Variants in CLDN12 observed in about 807,000 individuals in gnomAD.
CLDN12 encodes claudin 12, also known as claudin-12.
A neutral mutation model predicts 15.5 loss-of-function variants in CLDN12; 9 were observed. That is an observed-to-expected ratio of 0.58 (90% CI 0.35 to 1.02). The LOEUF (loss-of-function observed/expected upper bound fraction) is 1.02, where lower values mean the gene tolerates loss of function less well. CLDN12 is among the 50% of genes least tolerant of loss of function. CLDN12 has a pLI of 0.02. For missense variants in CLDN12, 233 were observed against 297.3 expected (o/e 0.78, Z 1.59); for synonymous variants, 140 against 121.6 (o/e 1.15, Z -1.00).
intron 2 of CLDN12, among the ~76,000 whole-genome samples, chr7:90,409,464 T>C (rs1280196112): frequency 6.6e-6 from 1 of 152,070 alleles, no homozygotes; most frequent in African/African-American, 2.4e-5. Context: ...TCAAGTGATC[T>C]ACCAGCCTTG....
At chr7:90,412,398 T>A (rs17862174) in intron 3 of CLDN12, 26,436 of 385,710 alleles carry the variant, frequency 0.069, 1,041 homozygotes, top group South Asian at 0.15. Context: ...AAAATACCGA[T>A]GGCTAAAGAT....
At chr7:90,407,340 T>C (rs184116277) in intron 2 of CLDN12, among the ~76,000 whole-genome samples, 19 of 152,156 alleles carry the variant, frequency 1.2e-4, no homozygotes, top group Admixed American at 5.9e-4. Context: ...GGTAAGAAAA[T>C]GAATGTTGTT....
At position 90,413,804 on chromosome 7, in the gene CLDN12, A is replaced by G. The variant is rs761220112; in HGVS notation, c.*393A>G. 33 of 1,004,380 alleles carry G rather than the reference A, an allele frequency of 3.3e-5. No individual in the cohort carries two copies. Among genetic ancestry groups the G allele is most frequent in the Non-Finnish European group, 3.8e-5 (32 of 832,428 alleles). The allele number at this position is 1,004,380 out of a possible 1,614,324, so 62.2% of individuals were successfully genotyped here. ...TTTTCTATAATACCTTTAACTGCAA[A>G]GAAAAGGCAGTTTCAAATATAAGAA... is the stretch of plus-strand genomic sequence containing the variant. On this transcript the variant is annotated 3_prime_UTR_variant, in exon 4 of 4. Coordinates refer to ENST00000496677, the MANE Select transcript of CLDN12 (RefSeq NM_001185072.3).
In CLDN12 at chr7:90,415,747, T is replaced by A. The variant is rs1215674137; in HGVS notation, c.*2336T>A. The A allele has an allele frequency of 6.0e-6, 1 of 167,104 alleles. No homozygotes were observed. Among genetic ancestry groups the A allele is most frequent in the Non-Finnish European group, 1.5e-5 (1 of 68,126 alleles). 10.4% of individuals were successfully genotyped at this position (167,104 alleles called of 1,614,324 possible). A position where few individuals can be genotyped will look rare whatever the true frequency, so the allele number is the denominator to read the frequency against. ...TAAAAGCCTATTATTGTTAAAGGCCTTTTATGGAAACCAACTTGGAAAACA... is the reference window on the plus strand; with the variant it reads ...TAAAAGCCTATTATTGTTAAAGGCCATTTATGGAAACCAACTTGGAAAACA... On this transcript the variant is annotated 3_prime_UTR_variant, in exon 4 of 4. Coordinates refer to ENST00000496677, the MANE Select transcript of CLDN12 (RefSeq NM_001185072.3).
At position 90,413,258 on chromosome 7, in the gene CLDN12, T is replaced by G; in HGVS notation, c.582T>G (p.Ile194Met). Residue 194 changes from isoleucine (I) to methionine (M), a missense_variant, in exon 4 of 4, where the codon ATT (isoleucine) becomes ATG (methionine). By Grantham distance (10) the Ile-to-Met change is conservative (BLOSUM62 1). Coordinates refer to ENST00000496677, the MANE Select transcript of CLDN12 (RefSeq NM_001185072.3). ...TTATGACTTCCCTTATACTATTTAT[T>G]TGGTATTGTACATGCAAATCTTTGC... The part of the protein sequence containing the change: ...GLFMTSLILF[I>M]WYCTCKSLPS... 1 of 1,614,222 alleles carries G rather than the reference T, an allele frequency of 6.2e-7. No individual in the cohort carries two copies. Among genetic ancestry groups the G allele is most frequent in the Non-Finnish European group, 8.5e-7 (1 of 1,180,028 alleles).
rs747407397 is a variant in CLDN12, at chr7:90,414,820, G to C, written c.*1409G>C. ...ATGATGATGTATTAAGGATGGAGGA[G>C]TTATTAAAAATGTCTCTTCTGATGA... On this transcript the variant is annotated 3_prime_UTR_variant, in exon 4 of 4. Coordinates refer to ENST00000496677, the MANE Select transcript of CLDN12 (RefSeq NM_001185072.3). The C allele has an allele frequency of 1.8e-5, 3 of 167,040 alleles. No homozygotes were observed. The highest frequency in any genetic ancestry group is 4.4e-5 in the Non-Finnish European group (3 of 68,116). 10.3% of individuals were successfully genotyped at this position (167,040 alleles called of 1,614,324 possible).
Position 90,413,780 on chromosome 7 carries a change from T to G in CLDN12, c.*369T>G. Reference sequence around the variant, plus strand: ...GAAAATTTCAGTGTGTATTTTTCTTTTTCTATAATACCTTTAACTGCAAAG... The same window carrying G: ...GAAAATTTCAGTGTGTATTTTTCTTGTTCTATAATACCTTTAACTGCAAAG... On this transcript the variant is annotated 3_prime_UTR_variant, in exon 4 of 4. Transcript: ENST00000496677. The G allele has an allele frequency of 5.9e-6, 6 of 1,017,874 alleles. No individual in the cohort carries two copies. Among genetic ancestry groups the G allele is most frequent in the Non-Finnish European group, 7.1e-6 (6 of 841,986 alleles). The allele number at this position is 1,017,874 out of a possible 1,614,324, so 63.1% of individuals were successfully genotyped here.
In CLDN12 at chr7:90,412,730, C is replaced by T. The variant is rs374340236; in HGVS notation, c.54C>T (p.Ile18=). 1.7e-5 allele frequency: 27 copies of T among 1,614,016 alleles called. No individual in the cohort carries two copies. The highest frequency in any genetic ancestry group is 1.1e-4 in the African/African-American group (8 of 74,914). ...CAGTCCTTTCCTTCCTGTGTGGAAT[C>T]GCCTCAGTAGCAGGCCTCTTTGCAG... The part of the protein sequence containing the change: ...AATVLSFLCG[I]ASVAGLFAGT... The change falls in exon 4 of 4, where the codon ATC becomes ATT. Residue 18 remains isoleucine (I), a synonymous_variant. Transcript: ENST00000496677.
intron 2 of CLDN12, among the ~76,000 whole-genome samples, chr7:90,408,316 A>G (rs1248117343): frequency 6.6e-6 from 1 of 152,186 alleles, no homozygotes; most frequent in Non-Finnish European, 1.5e-5. Flanking sequence ...CAGCCTGGGC[A>G]ACACAGCAAG....
rs768932001 is a variant in CLDN12 at position 90,413,255 on chromosome 7, T to G, written c.579T>G (p.Phe193Leu). 7 of 1,614,136 alleles carry G rather than the reference T, an allele frequency of 4.3e-6. No homozygotes were observed. The highest frequency in any genetic ancestry group is 4.0e-5 in the African/African-American group (3 of 74,952). ...TGTTTATGACTTCCCTTATACTATT[T>G]ATTTGGTATTGTACATGCAAATCTT... ...GGLFMTSLIL[F>L]IWYCTCKSLP... Residue 193 changes from phenylalanine to leucine, a missense_variant, in exon 4 of 4, where the codon TTT (phenylalanine) becomes TTG (leucine). Coordinates refer to ENST00000496677, the MANE Select transcript of CLDN12 (RefSeq NM_001185072.3).
chr7:90,405,980 A>G (rs1796828398), intron 2 of CLDN12: 1 of 152,254 alleles, frequency 6.6e-6, no homozygotes, highest in African/African-American at 2.4e-5. Context: ...GTACATGCCT[A>G]TAGTCCCAGC....
chr7:90,410,345 CAG>C (rs1221473474), intron 2 of CLDN12, among the ~76,000 whole-genome samples: 2 of 151,792 alleles, frequency 1.3e-5, no homozygotes, highest in Admixed American at 1.3e-4. Context: ...ATAATACTGA[CAG>C]AAGGTAACAT....
intron 2 of CLDN12, among the ~76,000 whole-genome samples, chr7:90,410,098 G>A (rs1032982952): frequency 1.3e-5 from 2 of 151,854 alleles, no homozygotes; most frequent in Non-Finnish European, 2.9e-5. Context: ...CAAGTTGTAT[G>A]GGGGAGATAG....
At chr7:90,410,552 A>G (rs192835142) in intron 2 of CLDN12, among the ~76,000 whole-genome samples, 83 of 152,322 alleles carry the variant, frequency 5.4e-4, no homozygotes, top group African/African-American at 1.8e-3. Context: ...GGCTGGGCGC[A>G]GTTGCTCATG....
rs917492584 is a variant in CLDN12, at chr7:90,415,131, T to C, written c.*1720T>C. On this transcript the variant is annotated 3_prime_UTR_variant, in exon 4 of 4. Transcript: ENST00000496677. Reference sequence around the variant, plus strand: ...CCTAATTCCAACACTAGTTTATATATATAGCGAATAAATCTAGTTGTATAA... The same window carrying C: ...CCTAATTCCAACACTAGTTTATATACATAGCGAATAAATCTAGTTGTATAA... The C allele has an allele frequency of 1.2e-5, 2 of 166,040 alleles. No individual in the cohort carries two copies. The highest frequency in any genetic ancestry group is 2.4e-5 in the African/African-American group (1 of 41,450). The allele number at this position is 166,040 out of a possible 1,614,324, so 10.3% of individuals were successfully genotyped here.
At chr7:90,404,465 CTAA>C (rs2115858320) in intron 1 of CLDN12, among the ~76,000 whole-genome samples, 1 of 152,114 alleles carries the variant, frequency 6.6e-6, no homozygotes, top group African/African-American at 2.4e-5. Flanking sequence ...GAGGAAGTGG[CTAA>C]TGTTTAAAGT....
rs186040184 is a variant in CLDN12, at chr7:90,407,079, A to G, written c.-77+1471A>G. ...GAACAGTGGACTTTTTGTTTTTGAA[A>G]TGGAGTCTCGGGGTTTCACCATATT... On this transcript the variant is annotated intron_variant, in intron 2 of 3. Transcript: ENST00000496677. Among the ~76,000 whole-genome samples, 5 of 152,240 alleles carry G rather than the reference A, an allele frequency of 3.3e-5. No individual in the cohort carries two copies. The East Asian group carries it at 7.7e-4, about 23-fold the overall frequency.
rs1456713791 is a variant in CLDN12 at position 90,413,122 on chromosome 7, C to A, written c.446C>A (p.Ser149Tyr). Residue 149 changes from serine to tyrosine, a missense_variant, in exon 4 of 4, where the codon TCC becomes TAC. Physicochemically the swap from Ser to Tyr is moderately radical, Grantham distance 144. Transcript: ENST00000496677. ...LFFLAGTVSL[S>Y]PSIWVIFYNI... ...TTCCTGGCAGGTACTGTGAGCCTCTCCCCATCTATCTGGGTCATCTTTTAT... is the reference window on the plus strand; with the variant it reads ...TTCCTGGCAGGTACTGTGAGCCTCTACCCATCTATCTGGGTCATCTTTTAT... 1.9e-6 allele frequency: 3 copies of A among 1,614,200 alleles called. No homozygotes were observed.
At position 90,414,830 on chromosome 7, in the gene CLDN12, A is replaced by G. The variant is rs1029090662; in HGVS notation, c.*1419A>G. ...ATTAAGGATGGAGGAGTTATTAAAA[A>G]TGTCTCTTCTGATGAGGTAACAATT... is the stretch of plus-strand genomic sequence containing the variant. On this transcript the variant is annotated 3_prime_UTR_variant, in exon 4 of 4. Transcript: ENST00000496677. 6.0e-6 allele frequency: 1 copy of G among 167,084 alleles called. No homozygotes were observed. The highest frequency in any genetic ancestry group is 2.4e-5 in the African/African-American group (1 of 41,472). The allele number at this position is 167,084 out of a possible 1,614,324, so 10.4% of individuals were successfully genotyped here.
Sources: gnomAD v4.1 joint callset for allele counts (sites outside exome capture counted in the v4.1 genomes callset) on GRCh38, gnomAD v4.1.1 for gene constraint, MANE v1.5 for transcripts, NCBI Gene and HGNC (gene_info 2026-07-23, HGNC 2026-07-21) for gene names.